The following PEBP4 variants were observed in gnomAD, a reference collection of about 807,000 sequenced individuals.
The protein encoded by PEBP4 is phosphatidylethanolamine-binding protein 4.
In PEBP4, 22 loss-of-function variants were observed where a neutral mutation model predicts 23.9. The ratio of observed to expected loss-of-function variants is 0.92; its 90% confidence interval spans 0.66 to 1.31. The LOEUF (loss-of-function observed/expected upper bound fraction) is 1.31, where lower values mean the gene tolerates loss of function less well. PEBP4 is among the 40% of genes most tolerant of loss of function. PEBP4 has a pLI of 0.00. For missense variants in PEBP4, 324 were observed against 281.7 expected (o/e 1.15, Z -1.07); for synonymous variants, 112 against 99.3 (o/e 1.13, Z -0.76).
chr8:22,828,252 T>A (rs1444459741), intron 3 of PEBP4, among the ~76,000 whole-genome samples: 1 of 152,160 alleles, frequency 6.6e-6, no homozygotes, highest in East Asian at 1.9e-4. Flanking sequence ...ACTTGCCTCA[T>A]TCTTGAACTT....
In PEBP4 at chr8:22,723,070, C is replaced by T. The variant is rs528524604; in HGVS notation, c.517+1773G>A. On this transcript the variant is annotated intron_variant, in intron 6 of 6. Coordinates refer to ENST00000256404, the MANE Select transcript of PEBP4 (RefSeq NM_144962.3). ...TGCTGGGATTATAGGTGTGAGCCAC[C>T]GCGCCCAGCCTGGGAGGGCCATTTT... Among the ~76,000 whole-genome samples, 5 of 151,146 alleles carry T rather than the reference C, an allele frequency of 3.3e-5. No individual in the cohort carries two copies. In the South Asian group the frequency reaches 6.3e-4, roughly 19 times the overall value.
chr8:22,825,118 A>G (rs551468744), intron 3 of PEBP4, among the ~76,000 whole-genome samples: 1 of 152,376 alleles, frequency 6.6e-6, no homozygotes, highest in East Asian at 1.9e-4. Flanking sequence ...CAGACCTTTC[A>G]TAACAGTCAT....
intron 4 of PEBP4, among the ~76,000 whole-genome samples, chr8:22,758,801 G>A (rs1805443176): frequency 6.6e-6 from 1 of 152,224 alleles, no homozygotes; most frequent in African/African-American, 2.4e-5. Context: ...CCGCAGTATG[G>A]TGGGGTGGAC....
intron 3 of PEBP4, chr8:22,878,264 A>G (rs1314021185): frequency 6.7e-6 from 1 of 148,516 alleles, no homozygotes; most frequent in Non-Finnish European, 1.5e-5. Context: ...GAATCCCTGG[A>G]ATTTAAGGTT....
intron 4 of PEBP4, among the ~76,000 whole-genome samples, chr8:22,731,921 C>T (rs962928005): frequency 6.6e-6 from 1 of 151,866 alleles, no homozygotes; most frequent in Non-Finnish European, 1.5e-5. Context: ...GTGATCCGCC[C>T]GCCTCGGCTT....
intron 3 of PEBP4, among the ~76,000 whole-genome samples, chr8:22,901,515 C>A (rs527287516): frequency 6.4e-4 from 97 of 152,192 alleles, no homozygotes; most frequent in Non-Finnish European, 1.1e-3. Flanking sequence ...CCTGGTCCAC[C>A]TAAAGTCATC....
At chr8:22,885,833 A>G (rs148294265) in intron 3 of PEBP4, 1 of 152,204 alleles carries the variant, frequency 6.6e-6, no homozygotes, top group South Asian at 2.1e-4. Context: ...GTCTGTGTGC[A>G]AGAGAAGGGG....
At chr8:22,746,371 C>G (rs1805117852) in intron 4 of PEBP4, among the ~76,000 whole-genome samples, 1 of 152,118 alleles carries the variant, frequency 6.6e-6, no homozygotes, top group African/African-American at 2.4e-5. Context: ...CTCTTTGGCC[C>G]CTGGCTGGTT....
At chr8:22,934,296 G>A (rs557353555) in intron 1 of PEBP4, among the ~76,000 whole-genome samples, 20 of 152,210 alleles carry the variant, frequency 1.3e-4, no homozygotes, top group South Asian at 2.1e-4. Context: ...CTCTAACATC[G>A]GTAACACAAA....
In PEBP4 at chr8:22,847,800, C is replaced by T. The variant is rs139607669; in HGVS notation, c.259-30065G>A. ...GAGTTCTACGTGTCTCCTTGAGCAA[C>T]CCTGCTCAACCCCAGCCCCCAAAAT... On this transcript the variant is annotated intron_variant, in intron 3 of 6. Transcript: ENST00000256404. Among the ~76,000 whole-genome samples, 450 of 152,218 alleles carry T rather than the reference C, an allele frequency of 3.0e-3. 4 individuals are homozygous for T. The highest frequency in any genetic ancestry group is 4.2e-3 in the Non-Finnish European group (284 of 68,006).
At chr8:22,744,978 G>A (rs1316014803) in intron 4 of PEBP4, among the ~76,000 whole-genome samples, 4 of 152,294 alleles carry the variant, frequency 2.6e-5, no homozygotes, top group Non-Finnish European at 2.9e-5. Flanking sequence ...AATGGAATGC[G>A]GGTGTCCTGG....
intron 6 of PEBP4, among the ~76,000 whole-genome samples, chr8:22,719,860 G>C (rs183947347): frequency 2.4e-4 from 36 of 152,344 alleles, no homozygotes; most frequent in Admixed American, 2.4e-3. Context: ...GATTGGGACA[G>C]GGAGGACGTC....
chr8:22,905,306 A>T (rs1214043893), intron 3 of PEBP4, among the ~76,000 whole-genome samples: 1 of 150,964 alleles, frequency 6.6e-6, no homozygotes, highest in African/African-American at 2.4e-5. Flanking sequence ...TAGGCTATTC[A>T]TCTTTTTCTT....
chr8:22,748,310 C>G (rs1563203185), intron 4 of PEBP4, among the ~76,000 whole-genome samples: 1 of 151,964 alleles, frequency 6.6e-6, no homozygotes, highest in Non-Finnish European at 1.5e-5. Flanking sequence ...GGGACAGAAG[C>G]CCATCAGTCC....
chr8:22,735,622 G>C (rs1804844287), intron 4 of PEBP4, among the ~76,000 whole-genome samples: 1 of 152,210 alleles, frequency 6.6e-6, no homozygotes, highest in African/African-American at 2.4e-5. Context: ...ACAGATCCCA[G>C]GCAAGGCTTC....
intron 4 of PEBP4, among the ~76,000 whole-genome samples, chr8:22,817,128 T>C (rs1283504228): frequency 6.6e-6 from 1 of 152,174 alleles, no homozygotes; most frequent in African/African-American, 2.4e-5. Context: ...CGGCCACTTG[T>C]TTCTGTACAC....
At chr8:22,799,034 G>C (rs1050516008) in intron 4 of PEBP4, among the ~76,000 whole-genome samples, 6 of 151,928 alleles carry the variant, frequency 3.9e-5, no homozygotes, top group Non-Finnish European at 5.9e-5. Flanking sequence ...CACCGTGCCT[G>C]GCCATATCTA....
chr8:22,809,586 G>C (rs1216730430), intron 4 of PEBP4, among the ~76,000 whole-genome samples: 5 of 152,060 alleles, frequency 3.3e-5, no homozygotes, highest in Non-Finnish European at 5.9e-5. Flanking sequence ...GTGACATCTT[G>C]GGCAAGTTGC....
At chr8:22,737,534 C>A (rs891188509) in intron 4 of PEBP4, among the ~76,000 whole-genome samples, 1 of 151,988 alleles carries the variant, frequency 6.6e-6, no homozygotes, top group African/African-American at 2.4e-5. Flanking sequence ...AGGATCCCCC[C>A]ACTCCCCCCG....
Sources: gnomAD v4.1 joint callset for allele counts (sites outside exome capture counted in the v4.1 genomes callset) on GRCh38, gnomAD v4.1.1 for gene constraint, MANE v1.5 for transcripts, NCBI Gene and HGNC (gene_info 2026-07-23, HGNC 2026-07-21) for gene names.